Variants in IKBIP observed in about 807,000 individuals in gnomAD.
IKBIP encodes the protein inhibitor of nuclear factor kappa-B kinase-interacting protein.
IKBIP carries 28 observed loss-of-function variants against 31.0 expected under a neutral mutation model. The observed-to-expected ratio is 0.90, with a 90% CI of 0.67 to 1.24. The LOEUF is 1.24. Among genes scored for constraint, IKBIP ranks in the 50% most tolerant of loss-of-function variants. IKBIP has a pLI of 0.00. For missense variants in IKBIP, 453 were observed against 441.9 expected (o/e 1.03, Z -0.23); for synonymous variants, 164 against 160.3 (o/e 1.02, Z -0.17).
chr12:98,622,750 T>C (rs2097611077), downstream of IKBIP, among the ~76,000 whole-genome samples: 1 of 152,036 alleles, frequency 6.6e-6, no homozygotes, highest in Admixed American at 6.6e-5. Context: ...AGAAAAATAA[T>C]ACTACTAATT....
exon 3 of IKBIP, chr12:98,614,078 G>A (rs1345171422): frequency 6.2e-7 from 1 of 1,612,476 alleles, no homozygotes; most frequent in Non-Finnish European, 8.5e-7. Context: ...TATTACATCA[G>A]TTACTAAACC....
intron 2 of IKBIP, among the ~76,000 whole-genome samples, chr12:98,627,886 G>T (rs1052713892): frequency 6.6e-6 from 1 of 152,152 alleles, no homozygotes. Context: ...ACTAGAATCA[G>T]GTCTTACAGA....
Position 98,626,618 on chromosome 12 carries a change from T to G in IKBIP, c.446A>C (p.Asn149Thr). ...ATCCGTAATATTCTGAAATTTCTCA[T>G]TAAGGCTTTGCATCCTTTGAGTGAG... ...EVLTQRMQSL[N>T]EKFQNITDFW... Residue 149 changes from asparagine to threonine, a missense_variant, in exon 3 of 3, where the codon AAT becomes ACT. Coordinates refer to ENST00000299157, the MANE Select transcript of IKBIP (RefSeq NM_153687.4). 1 of 1,613,972 alleles carries G rather than the reference T, an allele frequency of 6.2e-7. No individual in the cohort carries two copies. The highest frequency in any genetic ancestry group is 8.5e-7 in the Non-Finnish European group (1 of 1,180,040).
In IKBIP at chr12:98,625,147, T is replaced by G; in HGVS notation, c.*783A>C. On this transcript the variant is annotated 3_prime_UTR_variant, in exon 3 of 3. Transcript: ENST00000299157. The stretch of plus-strand genomic sequence containing the variant: ...AGAGACCATGGATCTAGCAAACTCA[T>G]GTCTAACACAGTTGGAACCTAAAAC... 1 of 985,306 alleles carries G rather than the reference T, an allele frequency of 1.0e-6. No homozygotes were observed. Among genetic ancestry groups the G allele is most frequent in the Non-Finnish European group, 1.2e-6 (1 of 829,828 alleles). 61.0% of individuals were successfully genotyped at this position (985,306 alleles called of 1,614,324 possible).
intron 2 of IKBIP, among the ~76,000 whole-genome samples, chr12:98,614,765 C>T (rs2097605346): frequency 1.3e-5 from 2 of 152,076 alleles, no homozygotes; most frequent in South Asian, 4.1e-4. Flanking sequence ...TACTGTTCTT[C>T]TGGAAAGCAT....
intron 1 of IKBIP, among the ~76,000 whole-genome samples, chr12:98,639,118 G>A (rs2097628359): frequency 6.6e-6 from 1 of 151,710 alleles, no homozygotes; most frequent in Non-Finnish European, 1.5e-5. Flanking sequence ...TCGGCTCACT[G>A]CAACTTCCGC....
intron 1 of IKBIP, among the ~76,000 whole-genome samples, chr12:98,640,331 G>A (rs2097629309): frequency 6.6e-6 from 1 of 152,098 alleles, no homozygotes; most frequent in South Asian, 2.1e-4. Flanking sequence ...CTACTCGGGA[G>A]GCTGAGGCAG....
intron 1 of IKBIP, among the ~76,000 whole-genome samples, chr12:98,640,441 T>TCAAAACAAAACAAAA (rs71931367): frequency 2.0e-5 from 3 of 149,058 alleles, no homozygotes; most frequent in Non-Finnish European, 3.0e-5. Context: ...ACTCCATCTC[T>TCAAAACAAAACAAAA]CAAAACAAAA....
downstream of IKBIP, among the ~76,000 whole-genome samples, chr12:98,620,668 T>A (rs908884858): frequency 1.3e-5 from 2 of 152,018 alleles, no homozygotes; most frequent in South Asian, 4.2e-4. Context: ...CCCAGCTAGG[T>A]TCTTTGAATT....
chr12:98,616,603 C>T (rs563775644), intron 2 of IKBIP, among the ~76,000 whole-genome samples: 3 of 152,102 alleles, frequency 2.0e-5, no homozygotes, highest in Admixed American at 6.6e-5. Context: ...TTTCTTCCAG[C>T]GGTTTTCAAT....
chr12:98,614,642 G>T (rs1039129862), intron 2 of IKBIP, among the ~76,000 whole-genome samples: 1 of 151,956 alleles, frequency 6.6e-6, no homozygotes, highest in Non-Finnish European at 1.5e-5. Flanking sequence ...GGACAGGCTG[G>T]TCTCGATCTC....
At chr12:98,628,171 A>C (rs921342408) in intron 2 of IKBIP, among the ~76,000 whole-genome samples, 1 of 152,244 alleles carries the variant, frequency 6.6e-6, no homozygotes, top group Non-Finnish European at 1.5e-5. Context: ...ACTGCCCTTA[A>C]GCAGCTTTGT....
At chr12:98,627,386 A>G (rs2097615556) in intron 2 of IKBIP, among the ~76,000 whole-genome samples, 2 of 151,416 alleles carry the variant, frequency 1.3e-5, no homozygotes. Flanking sequence ...AATAGATGCA[A>G]TTTCCTCCTT....
At chr12:98,636,919 G>GA (rs112878741) in intron 1 of IKBIP, among the ~76,000 whole-genome samples, 14 of 144,484 alleles carry the variant, frequency 9.7e-5, no homozygotes, top group Non-Finnish European at 1.2e-4. Context: ...TGCCAGGGGG[G>GA]AAAAAAAAAA....
At chr12:98,631,125 G>A (rs560159795) in intron 2 of IKBIP, among the ~76,000 whole-genome samples, 42 of 151,848 alleles carry the variant, frequency 2.8e-4, no homozygotes, top group Non-Finnish European at 5.9e-4. Flanking sequence ...GTAGAGATGG[G>A]GTTTTTCCAT....
At chr12:98,633,405 A>G (rs2097622799) in intron 2 of IKBIP, among the ~76,000 whole-genome samples, 1 of 152,156 alleles carries the variant, frequency 6.6e-6, no homozygotes, top group Non-Finnish European at 1.5e-5. Context: ...AGCAACTTGA[A>G]GGAACACAAT....
At chr12:98,629,376 TCAAACAAA>T (rs61111913) in intron 2 of IKBIP, among the ~76,000 whole-genome samples, 179 of 150,042 alleles carry the variant, frequency 1.2e-3, no homozygotes, top group African/African-American at 3.7e-3. Context: ...CCTGTCTCTA[TCAAACAAA>T]CAAACAAACA....
downstream of IKBIP, among the ~76,000 whole-genome samples, chr12:98,623,560 C>CTTTTTTT (rs35433597): frequency 6.2e-5 from 4 of 64,190 alleles, no homozygotes; most frequent in Non-Finnish European, 1.0e-4. Context: ...CCTCCTTACA[C>CTTTTTTT]TTTTTTTTTT....
At chr12:98,643,459 T>C (rs902891602) in intron 1 of IKBIP, among the ~76,000 whole-genome samples, 1 of 152,106 alleles carries the variant, frequency 6.6e-6, no homozygotes, top group Non-Finnish European at 1.5e-5. Flanking sequence ...CCAATCTTAT[T>C]AAAATGAAAT....
Sources: allele counts gnomAD v4.1 joint callset (sites outside exome capture counted in the v4.1 genomes callset), GRCh38; gene constraint gnomAD v4.1.1; transcripts MANE v1.5; gene names NCBI Gene and HGNC (gene_info 2026-07-23, HGNC 2026-07-21).